Variants in FAM135B observed in about 807,000 individuals in gnomAD.
FAM135B encodes protein FAM135B.
FAM135B carries 43 observed loss-of-function variants against 127.7 expected under a neutral mutation model. The ratio of observed to expected loss-of-function variants is 0.34; its 90% CI spans 0.26 to 0.43. The LOEUF (loss-of-function observed/expected upper bound fraction) is 0.43, where lower values mean the gene tolerates loss of function less well. Among genes scored for constraint, FAM135B ranks in the 20% least tolerant of loss-of-function variants. The pLI is 1.00. For synonymous variants in FAM135B, 670 were observed against 665.1 expected (o/e 1.01, Z -0.11); for missense variants, 1,558 against 1,725.6 (o/e 0.90, Z 1.72).
In FAM135B at chr8:138,469,906, G is replaced by A. The variant is rs1297069456; in HGVS notation, c.-20+26765C>T. Among the ~76,000 whole-genome samples the A allele has an allele frequency of 5.3e-5, 8 of 152,134 alleles. No individual in the cohort carries two copies. In the South Asian group the frequency reaches 1.4e-3, roughly 28 times the overall value. ...ATAAATGCAAGGCAACTAGCACATC[G>A]GCTGACATGTATGCACTGATCCATT... is the stretch of plus-strand genomic sequence containing the variant. On this transcript the variant is annotated intron_variant, in intron 1 of 19. Coordinates refer to ENST00000395297, the MANE Select transcript of FAM135B (RefSeq NM_015912.4).
chr8:138,158,879 T>C (rs1300632747), intron 12 of FAM135B, among the ~76,000 whole-genome samples: 1 of 152,162 alleles, frequency 6.6e-6, no homozygotes, highest in African/African-American at 2.4e-5. Context: ...TGAAAGACAG[T>C]GTGGCGATTC....
At chr8:138,177,300 T>C (rs1396243891) in intron 11 of FAM135B, 47 bp downstream of exon 11, 4 of 1,567,030 alleles carry the variant, frequency 2.6e-6, no homozygotes, top group East Asian at 2.2e-5. Context: ...CAGCATGTCT[T>C]GGGTGGCTGC....
chr8:138,211,928 C>A (rs545221252), intron 7 of FAM135B, among the ~76,000 whole-genome samples: 1 of 151,992 alleles, frequency 6.6e-6, no homozygotes, highest in Non-Finnish European at 1.5e-5. Flanking sequence ...ATTAGCCAGG[C>A]GTAATGGTGC....
intron 12 of FAM135B, 54 bp from the exon 13 acceptor site, chr8:138,153,270 A>G (rs2130795703): frequency 2.2e-6 from 3 of 1,372,066 alleles, no homozygotes; most frequent in Non-Finnish European, 2.9e-6. Context: ...CTGTGTTTAC[A>G]AGTTATCCAA....
At chr8:138,246,102 A>G (rs546482911) in intron 6 of FAM135B, among the ~76,000 whole-genome samples, 5 of 152,228 alleles carry the variant, frequency 3.3e-5, no homozygotes, top group African/African-American at 1.2e-4. Context: ...AGAAATTTCT[A>G]AGCAGCAAAG....
intron 9 of FAM135B, among the ~76,000 whole-genome samples, chr8:138,184,988 CTCCAGCT>C (rs1480156901): frequency 2.0e-5 from 3 of 152,214 alleles, no homozygotes; most frequent in Non-Finnish European, 4.4e-5. Context: ...AACCAGCTGC[CTCCAGCT>C]GAGCTTGGTG....
chr8:138,294,250 G>A (rs1245996632), intron 3 of FAM135B, among the ~76,000 whole-genome samples: 1 of 152,026 alleles, frequency 6.6e-6, no homozygotes, highest in Non-Finnish European at 1.5e-5. Context: ...AAAGAGGAGA[G>A]TGGAAGGGGG....
intron 3 of FAM135B, among the ~76,000 whole-genome samples, chr8:138,307,533 T>C (rs1437540246): frequency 1.3e-5 from 2 of 152,172 alleles, no homozygotes; most frequent in African/African-American, 4.8e-5. Flanking sequence ...AACACTTCTG[T>C]TGGTTCCACC....
intron 12 of FAM135B, among the ~76,000 whole-genome samples, chr8:138,156,069 A>G (rs763024056): frequency 9.2e-5 from 14 of 152,218 alleles, no homozygotes; most frequent in Admixed American, 7.9e-4. Context: ...CAGCAAATGT[A>G]AAAGAACAGA....
intron 1 of FAM135B, among the ~76,000 whole-genome samples, chr8:138,387,588 G>T (rs1332645463): frequency 6.6e-6 from 1 of 152,100 alleles, no homozygotes; most frequent in African/African-American, 2.4e-5. Context: ...AGTGCTGAGG[G>T]TTGGGACTCC....
intron 7 of FAM135B, among the ~76,000 whole-genome samples, chr8:138,240,555 C>T (rs1586856406): frequency 6.6e-6 from 1 of 152,196 alleles, no homozygotes; most frequent in Non-Finnish European, 1.5e-5. Context: ...TCATTCCCCA[C>T]ACTTTTATTG....
At chr8:138,274,920 A>C (rs1211036996) in intron 3 of FAM135B, among the ~76,000 whole-genome samples, 3 of 8,314 alleles carry the variant, frequency 3.6e-4, no homozygotes, top group African/African-American at 4.0e-4. Context: ...CATATTGCTC[A>C]AACACACGAT....
At chr8:138,439,796 T>C (rs1030398924) in intron 1 of FAM135B, 15 of 152,204 alleles carry the variant, frequency 9.9e-5, no homozygotes, top group African/African-American at 3.6e-4. Context: ...GACTGTCCAA[T>C]GTTGAAATGT....
At chr8:138,196,135 T>C (rs559341478) in intron 8 of FAM135B, among the ~76,000 whole-genome samples, 22 of 152,308 alleles carry the variant, frequency 1.4e-4, no homozygotes, top group Non-Finnish European at 4.4e-5. Context: ...ACATGTCCAG[T>C]AAAATATGAT....
intron 1 of FAM135B, among the ~76,000 whole-genome samples, chr8:138,490,357 G>A (rs999961724): frequency 2.0e-5 from 3 of 152,210 alleles, no homozygotes; most frequent in African/African-American, 4.8e-5. Flanking sequence ...AGACTGCGAA[G>A]GTCAAGCCAC....
chr8:138,201,437 GA>G (rs1160692101), intron 7 of FAM135B, among the ~76,000 whole-genome samples: 10 of 150,392 alleles, frequency 6.6e-5, no homozygotes, highest in South Asian at 4.2e-4. Context: ...GAGAAATCCT[GA>G]AAAAAAAATA....
chr8:138,345,371 G>T (rs1829339049), intron 2 of FAM135B, among the ~76,000 whole-genome samples: 1 of 152,348 alleles, frequency 6.6e-6, no homozygotes, highest in Middle Eastern at 3.4e-3. Context: ...AAAGGCATGA[G>T]CAGGAGTTGG....
At chr8:138,355,887 T>C (rs1830060031) in intron 2 of FAM135B, among the ~76,000 whole-genome samples, 1 of 152,174 alleles carries the variant, frequency 6.6e-6, no homozygotes, top group Non-Finnish European at 1.5e-5. Flanking sequence ...AACTGTATGT[T>C]GAAACCTAAT....
At chr8:138,289,926 A>G (rs532970241) in intron 3 of FAM135B, among the ~76,000 whole-genome samples, 1 of 152,348 alleles carries the variant, frequency 6.6e-6, no homozygotes, top group African/African-American at 2.4e-5. Flanking sequence ...TGCCTGTGAC[A>G]TGACAGATCA....
Sources: allele counts gnomAD v4.1 joint callset (sites outside exome capture counted in the v4.1 genomes callset), GRCh38; gene constraint gnomAD v4.1.1; transcripts MANE v1.5; gene names NCBI Gene and HGNC (gene_info 2026-07-23, HGNC 2026-07-21).